FAT4: variants seen among roughly 807,000 people sequenced by gnomAD.
FAT4 encodes the protein protocadherin Fat 4.
A neutral mutation model predicts 303.9 loss-of-function variants in FAT4; 84 were observed. The observed-to-expected ratio is 0.28, with a 90% CI of 0.23 to 0.33. FAT4 has a LOEUF of 0.33. FAT4 is among the 10% of genes least tolerant of loss of function. The probability of loss-of-function intolerance (pLI) is 1.00; values close to 1 mark genes in which losing one functional copy is unlikely to be tolerated. For missense variants in FAT4, 6,005 were observed against 6,146.8 expected, an observed-to-expected ratio of 0.98 and a Z score of 0.77; for synonymous variants, 2,307 against 2,298.8, an observed-to-expected ratio of 1.00 and a Z score of -0.10.
intron 2 of FAT4, among the ~76,000 whole-genome samples, chr4:125,381,246 A>C (rs1733528434): frequency 6.6e-6 from 1 of 152,214 alleles, no homozygotes; most frequent in East Asian, 1.9e-4. Context: ...GTCACATATT[A>C]TTGACCATTT....
Position 125,452,361 on chromosome 4 carries a change from T to G in FAT4, c.11351T>G (p.Phe3784Cys). 6.2e-7 allele frequency: 1 copy of G among 1,614,230 alleles called. No individual in the cohort carries two copies. The highest frequency in any genetic ancestry group is 8.5e-7 in the Non-Finnish European group (1 of 1,180,038). ...GTGAATCCCAGTGGCGTAGCCACCT[T>G]CTTTGAAAGCATCAAAGAGATCCTT... ...QYVNPSGVAT[F>C]FESIKEILLR... Residue 3784 changes from phenylalanine to cysteine, a missense_variant, in exon 10 of 18, where the codon TTC becomes TGC. Physicochemically the swap from Phe to Cys is radical, Grantham distance 205 (BLOSUM62 -2). Coordinates refer to ENST00000394329, the MANE Select transcript of FAT4 (RefSeq NM_001291303.3).
chr4:125,465,576 A>G (rs1726632930), intron 11 of FAT4, among the ~76,000 whole-genome samples: 1 of 152,204 alleles, frequency 6.6e-6, no homozygotes. Flanking sequence ...GAAAATTGAT[A>G]CACAATAAAA....
At chr4:125,436,675 A>G (rs1396726010) in intron 8 of FAT4, among the ~76,000 whole-genome samples, 2 of 152,102 alleles carry the variant, frequency 1.3e-5, no homozygotes, top group Non-Finnish European at 2.9e-5. Context: ...GAAGAGCAAA[A>G]TCACGTCTTA....
At chr4:125,459,891 A>G (rs1404039657) in intron 10 of FAT4, among the ~76,000 whole-genome samples, 1 of 152,068 alleles carries the variant, frequency 6.6e-6, no homozygotes, top group East Asian at 1.9e-4. Context: ...ACTACAATTT[A>G]AGTAGATAGA....
At chr4:125,395,167 G>C (rs5003963) in intron 2 of FAT4, among the ~76,000 whole-genome samples, 144,944 of 152,166 alleles carry the variant, frequency 0.95, 69,411 homozygotes, top group East Asian at 1. Flanking sequence ...AATTAAAACC[G>C]CAGGCTACTG....
intron 17 of FAT4, among the ~76,000 whole-genome samples, chr4:125,488,350 A>T (rs560895572): frequency 2.0e-5 from 3 of 152,170 alleles, no homozygotes; most frequent in Non-Finnish European, 2.9e-5. Context: ...AACTTTAATC[A>T]CAGTAGGATC....
At position 125,490,217 on chromosome 4, in the gene FAT4, G is replaced by A. The variant is rs1257989050; in HGVS notation, c.13401G>A (p.Val4467=). The A allele has an allele frequency of 1.2e-6, 2 of 1,614,166 alleles. No individual in the cohort carries two copies. The highest frequency in any genetic ancestry group is 1.6e-4 in the Middle Eastern group (1 of 6,062). The part of the protein sequence containing the change: ...DSHTGRTCEM[V]VACLGVLCPQ... ...ACACGGGAAGGACCTGTGAGATGGT[G>A]GTGGCCTGTCTTGGCGTCCTCTGTC... Residue 4467 remains valine (V), a synonymous_variant, in exon 18 of 18, where the codon GTG becomes GTA. Coordinates refer to ENST00000394329, the MANE Select transcript of FAT4 (RefSeq NM_001291303.3).
intron 2 of FAT4, among the ~76,000 whole-genome samples, chr4:125,387,363 G>A (rs1047971495): frequency 2.0e-5 from 3 of 152,294 alleles, no homozygotes; most frequent in East Asian, 3.9e-4. Context: ...GCCAAGTCTC[G>A]TGTAGGTTCT....
chr4:125,374,954 A>C, intron 2 of FAT4, among the ~76,000 whole-genome samples: 1 of 152,252 alleles, frequency 6.6e-6, no homozygotes, highest in South Asian at 2.1e-4. Context: ...GTTAGCATCA[A>C]GTAAGTTGCC....
intron 2 of FAT4, among the ~76,000 whole-genome samples, chr4:125,325,533 G>A (rs1026237292): frequency 3.9e-5 from 6 of 152,082 alleles, no homozygotes; most frequent in African/African-American, 9.7e-5. Context: ...AGTAAAAATC[G>A]TATTCCACAA....
intron 2 of FAT4, among the ~76,000 whole-genome samples, chr4:125,353,893 C>T (rs1355052668): frequency 7.3e-5 from 11 of 151,618 alleles, no homozygotes; most frequent in Non-Finnish European, 1.3e-4. Context: ...ACCCAAAGGT[C>T]CCAGAAATTT....
In FAT4 at chr4:125,477,184, C is replaced by T; in HGVS notation, c.12329C>T (p.Thr4110Ile). Residue 4110 changes from threonine (T) to isoleucine (I), a missense_variant, in exon 14 of 18, where the codon ACA becomes ATA. Transcript: ENST00000394329. ...CTTGATGTTCAGCCAAATAGAGTTA[C>T]AGTTGGAGGTATCAGATCTCTAGAA... The part of the protein sequence containing the change: ...WTLDVQPNRV[T>I]VGGIRSLEPI... 1.4e-6 allele frequency: 2 copies of T among 1,443,974 alleles called. No individual in the cohort carries two copies. Among genetic ancestry groups the T allele is most frequent in the Admixed American group, 2.3e-5 (1 of 43,688 alleles). The allele number at this position is 1,443,974 out of a possible 1,614,324, so 89.4% of individuals were successfully genotyped here.
chr4:125,395,016 A>C (rs1734111933), intron 2 of FAT4, among the ~76,000 whole-genome samples: 1 of 152,224 alleles, frequency 6.6e-6, no homozygotes, highest in South Asian at 2.1e-4. Flanking sequence ...TGTTAGATTT[A>C]GTGACCACAT....
Position 125,333,853 on chromosome 4 carries a change from A to G in FAT4, c.5175+12267A>G, listed in dbSNP as rs574474967. On this transcript the variant is annotated intron_variant, in intron 2 of 17. Transcript: ENST00000394329. ...TTTCAAATATTAAAAATATAAAAGA[A>G]TAACTATCACATACACTCTAACTTT... is the stretch of plus-strand genomic sequence containing the variant. Among the ~76,000 whole-genome samples the G allele has an allele frequency of 2.0e-5, 3 of 152,316 alleles. No homozygotes were observed. The East Asian group carries it at 5.8e-4, about 29-fold the overall frequency.
At position 125,317,601 on chromosome 4, in the gene FAT4, A is replaced by G. The variant is rs774751979; in HGVS notation, c.1190A>G (p.Gln397Arg). Residue 397 changes from glutamine to arginine, a missense_variant, in exon 2 of 18, where the codon CAA becomes CGA. By Grantham distance (43) the Gln-to-Arg change is conservative. Coordinates refer to ENST00000394329, the MANE Select transcript of FAT4 (RefSeq NM_001291303.3). The surrounding 1 kb of genome is among the most constrained non-coding windows in gnomAD (Gnocchi z 7.0). ...SPAANGNISV[Q>R]ILGGNEQRHF... ...GCGGCCAACGGGAACATCTCCGTGC[A>G]AATTCTCGGGGGCAATGAGCAGCGC... The G allele has an allele frequency of 6.2e-7, 1 of 1,613,730 alleles. No homozygotes were observed. Among genetic ancestry groups the G allele is most frequent in the Non-Finnish European group, 8.5e-7 (1 of 1,179,920 alleles).
chr4:125,323,078 C>G (rs893091405), intron 2 of FAT4, among the ~76,000 whole-genome samples: 5 of 152,084 alleles, frequency 3.3e-5, no homozygotes, highest in African/African-American at 9.7e-5. Flanking sequence ...TGAATACTTA[C>G]ATGAAAATAT....
chr4:125,320,096 G>A lies in FAT4; in HGVS notation c.3685G>A (p.Val1229Met), dbSNP rs757523814. Residue 1229 changes from valine to methionine, a missense_variant, in exon 2 of 18, where the codon GTG (valine) becomes ATG (methionine). By Grantham distance (21) the Val-to-Met change is conservative. Coordinates refer to ENST00000394329, the MANE Select transcript of FAT4 (RefSeq NM_001291303.3). The stretch of plus-strand genomic sequence containing the variant: ...AGAATCAGCAGCCAATCTGACACAA[G>A]TGTTAAGAGTATCTGCCTCAGATGT... ...ISESAANLTQ[V>M]LRVSASDVDE... The A allele has an allele frequency of 1.9e-6, 3 of 1,613,932 alleles. No individual in the cohort carries two copies. The highest frequency in any genetic ancestry group is 2.2e-5 in the East Asian group (1 of 44,886).
chr4:125,444,073 T>C (rs1219820751), intron 8 of FAT4, among the ~76,000 whole-genome samples: 1 of 152,198 alleles, frequency 6.6e-6, no homozygotes, highest in African/African-American at 2.4e-5. Context: ...ATATATTACC[T>C]ACTTTAAAAT....
intron 2 of FAT4, among the ~76,000 whole-genome samples, chr4:125,372,263 G>A (rs1281921129): frequency 6.6e-6 from 1 of 151,838 alleles, no homozygotes; most frequent in Non-Finnish European, 1.5e-5. Context: ...TCAGGAGGCT[G>A]AGGTGGGAGG....
Sources: allele counts gnomAD v4.1 joint callset (sites outside exome capture counted in the v4.1 genomes callset), GRCh38; gene constraint gnomAD v4.1.1; non-coding constraint Gnocchi (gnomAD v3.1); transcripts MANE v1.5; gene names NCBI Gene and HGNC (gene_info 2026-07-23, HGNC 2026-07-21).